MSANTD5: variants seen among roughly 807,000 people sequenced by gnomAD.
MSANTD5 encodes the protein uncharacterized protein MSANTD5.
chr5:178,698,095 G>A (rs1765438437), upstream of MSANTD5, among the ~76,000 whole-genome samples: 1 of 152,286 alleles, frequency 6.6e-6, no homozygotes, highest in African/African-American at 2.4e-5. Flanking sequence ...GATTAATTGC[G>A]ATGTAAGGAT....
upstream of MSANTD5, among the ~76,000 whole-genome samples, chr5:178,699,135 C>T (rs1390837238): frequency 1.3e-5 from 2 of 152,036 alleles, no homozygotes; most frequent in Non-Finnish European, 2.9e-5. Context: ...TCCTTCCTCT[C>T]CCCCAAATGT....
chr5:178,695,542 C>T (rs1231552749), exon 3 of MSANTD5: 14 of 152,258 alleles, frequency 9.2e-5, no homozygotes. Flanking sequence ...TCAAGAAATT[C>T]CCATTCTTGC....
chr5:178,697,185 T>G (rs1020961468), intron 1 of MSANTD5, among the ~76,000 whole-genome samples: 1 of 152,090 alleles, frequency 6.6e-6, no homozygotes, highest in African/African-American at 2.4e-5. Flanking sequence ...GAGGATAAGG[T>G]GGCTCACGCC....
chr5:178,698,133 T>C (rs1051404489), upstream of MSANTD5, among the ~76,000 whole-genome samples: 1 of 152,182 alleles, frequency 6.6e-6, no homozygotes, highest in Admixed American at 6.5e-5. Flanking sequence ...CTTCAGCTGG[T>C]TGAGGGTGAA....
rs1984703 is a variant in MSANTD5 at position 178,695,283 on chromosome 5, A to G, written c.403+4T>C. Reference sequence around the variant, plus strand: ...CCATGGAGATGAACACAAAAGACACAAACCTGAGAAGACGCTGATCTTCCA... The same window carrying G: ...CCATGGAGATGAACACAAAAGACACGAACCTGAGAAGACGCTGATCTTCCA... On this transcript the variant is annotated splice_donor_region_variant and intron_variant, in intron 3 of 3. Coordinates refer to ENST00000648368, the Ensembl canonical transcript of MSANTD5. 102,342 of 151,480 alleles carry G rather than the reference A, an allele frequency of 0.68. 34,988 individuals are homozygous for G. The highest frequency in any genetic ancestry group is 0.72 in the African/African-American group (29,847 of 41,234). The allele number at this position is 151,480 out of a possible 1,614,324, so 9.4% of individuals were successfully genotyped here.
At chr5:178,707,176 G>C in the MSANTD5 span, 1 of 152,178 alleles carries the variant, frequency 6.6e-6, no homozygotes, top group Non-Finnish European at 1.5e-5. Flanking sequence ...CTGAGTGCTA[G>C]AGAATGAAAG....
chr5:178,706,025 C>T, the MSANTD5 span, among the ~76,000 whole-genome samples: 2 of 152,050 alleles, frequency 1.3e-5, no homozygotes, highest in East Asian at 1.9e-4. Flanking sequence ...GAATTCTTTT[C>T]GACCTCACTG....
chr5:178,694,483 G>GAA (rs1361237289), downstream of MSANTD5: 1 of 152,206 alleles, frequency 6.6e-6, no homozygotes, highest in Admixed American at 6.5e-5. Context: ...CTGGGGGGCT[G>GAA]AGCTCCCTCC....
chr5:178,706,890 C>T, the MSANTD5 span: 1 of 152,096 alleles, frequency 6.6e-6, no homozygotes, highest in Non-Finnish European at 1.5e-5. Flanking sequence ...AGAAGTTCCA[C>T]ATTCTCAGTT....
chr5:178,704,832 A>C, the MSANTD5 span, among the ~76,000 whole-genome samples: 2 of 152,170 alleles, frequency 1.3e-5, no homozygotes, highest in Non-Finnish European at 2.9e-5. Flanking sequence ...GAGCAGAGAG[A>C]GAACTTCCAC....
chr5:178,697,886 C>T (rs1765436366), upstream of MSANTD5, among the ~76,000 whole-genome samples: 1 of 152,190 alleles, frequency 6.6e-6, no homozygotes, highest in African/African-American at 2.4e-5. Context: ...TCCACAAAAT[C>T]CCTTCATCCA....
At chr5:178,698,972 C>T (rs569854688), upstream of MSANTD5, among the ~76,000 whole-genome samples, 7 of 152,068 alleles carry the variant, frequency 4.6e-5, no homozygotes, top group Middle Eastern at 6.8e-3. Context: ...AAAATACCAC[C>T]ATCTCTTCAT....
downstream of MSANTD5, among the ~76,000 whole-genome samples, chr5:178,692,051 G>A (rs1292513983): frequency 8.5e-6 from 1 of 117,180 alleles, no homozygotes; most frequent in African/African-American, 3.1e-5. Flanking sequence ...ACGGCCATCT[G>A]GTAAAGAGTT....
the MSANTD5 span, among the ~76,000 whole-genome samples, chr5:178,704,089 C>T: frequency 6.6e-6 from 1 of 151,646 alleles, no homozygotes; most frequent in Non-Finnish European, 1.5e-5. Context: ...CACTTATATA[C>T]CCCAAAAAAT....
At chr5:178,697,945 C>T (rs553092302), upstream of MSANTD5, among the ~76,000 whole-genome samples, 4 of 152,282 alleles carry the variant, frequency 2.6e-5, no homozygotes, top group East Asian at 1.9e-4. Context: ...GAGATCAACT[C>T]GGCAGGGGTT....
At chr5:178,697,332 T>C (rs1255753666) in intron 1 of MSANTD5, among the ~76,000 whole-genome samples, 2 of 151,702 alleles carry the variant, frequency 1.3e-5, no homozygotes, top group African/African-American at 2.4e-5. Flanking sequence ...CGGGCGCCTG[T>C]AGTCCCAGCT....
At chr5:178,703,922 A>G in the MSANTD5 span, among the ~76,000 whole-genome samples, 14 of 151,148 alleles carry the variant, frequency 9.3e-5, 1 homozygote, top group Admixed American at 7.3e-4. Context: ...CAGACGTTGC[A>G]GTGAGCCGAG....
downstream of MSANTD5, among the ~76,000 whole-genome samples, chr5:178,693,433 C>T (rs1010059421): frequency 1.3e-5 from 2 of 151,856 alleles, no homozygotes; most frequent in South Asian, 2.1e-4. Flanking sequence ...ATAGTGTGGC[C>T]GGAGTCTGTT....
exon 1 of MSANTD5, chr5:178,697,631 G>A (rs980941317): frequency 6.6e-6 from 1 of 152,112 alleles, no homozygotes; most frequent in Non-Finnish European, 1.5e-5. Context: ...TTCTCACTGT[G>A]CCTGCAGGGT....
Sources: gnomAD v4.1 joint callset for allele counts (sites outside exome capture counted in the v4.1 genomes callset) on GRCh38, gnomAD v4.1.1 for gene constraint, MANE v1.5 for transcripts, NCBI Gene and HGNC (gene_info 2026-07-23, HGNC 2026-07-21) for gene names.